Variants in MSR1 observed in about 807,000 individuals in gnomAD.
The protein encoded by MSR1 is macrophage scavenger receptor 1.
In MSR1, 53 loss-of-function variants were observed where a neutral mutation model predicts 47.2. That is an observed-to-expected ratio of 1.12 (90% CI 0.90 to 1.41). The LOEUF (loss-of-function observed/expected upper bound fraction) is 1.41, where lower values mean the gene tolerates loss of function less well. MSR1 is among the 40% of genes most tolerant of loss of function. The probability of loss-of-function intolerance (pLI) is 0.00; values close to 1 mark genes in which losing one functional copy is unlikely to be tolerated. For synonymous variants in MSR1, 239 were observed against 185.6 expected (o/e 1.29, Z -2.34); for missense variants, 786 against 546.9 (o/e 1.44, Z -4.36).
At chr8:16,143,139 G>GC (rs1489248380) in intron 8 of MSR1, among the ~76,000 whole-genome samples, 1 of 152,030 alleles carries the variant, frequency 6.6e-6, no homozygotes, top group East Asian at 1.9e-4. Flanking sequence ...TAAACGAAGA[G>GC]CCCCAGACAT....
chr8:16,175,258 A>T lies in MSR1; in HGVS notation c.146T>A (p.Phe49Tyr), dbSNP rs1274305398. 1 of 1,614,018 alleles carries T rather than the reference A, an allele frequency of 6.2e-7. No homozygotes were observed. The highest frequency in any genetic ancestry group is 8.5e-7 in the Non-Finnish European group (1 of 1,179,992). The change falls in exon 3 of 10, where the codon TTC (phenylalanine) becomes TAC (tyrosine). Residue 49 changes from phenylalanine (F) to tyrosine (Y), a missense_variant. Phe to Tyr is a conservative substitution (Grantham distance 22). Transcript: ENST00000262101. ...SPSLQEKLKS[F>Y]KAALIALYLL... ...GTAAAGGGCAATCAGTGCAGCTTTG[A>T]AGGACTTCAGTTTCTCTTGAAGGGA...
At chr8:16,149,070 C>T (rs1254958481) in intron 7 of MSR1, among the ~76,000 whole-genome samples, 1 of 152,042 alleles carries the variant, frequency 6.6e-6, no homozygotes, top group Non-Finnish European at 1.5e-5. Flanking sequence ...ACCTTTAGGG[C>T]AGTGAAACTA....
intron 3 of MSR1, among the ~76,000 whole-genome samples, chr8:16,169,195 G>C (rs1466286593): frequency 1.3e-5 from 2 of 152,100 alleles, no homozygotes; most frequent in African/African-American, 4.8e-5. Flanking sequence ...GATTATGAAA[G>C]GCTATGTGTC....
At chr8:16,148,747 A>G (rs1296697478) in intron 7 of MSR1, among the ~76,000 whole-genome samples, 1 of 152,176 alleles carries the variant, frequency 6.6e-6, no homozygotes, top group Non-Finnish European at 1.5e-5. Flanking sequence ...GGTGTGAGCC[A>G]CCACGCCCAG....
chr8:16,143,358 G>T (rs186220784), intron 8 of MSR1, among the ~76,000 whole-genome samples, 200 bp downstream of exon 8: 22 of 152,204 alleles, frequency 1.4e-4, no homozygotes, highest in Admixed American at 1.2e-3. Context: ...TGGATAATGA[G>T]ATTGAAAGAG....
chr8:16,179,105 T>C (rs1801747743), intron 1 of MSR1, among the ~76,000 whole-genome samples: 1 of 152,156 alleles, frequency 6.6e-6, no homozygotes, highest in African/African-American at 2.4e-5. Context: ...GTTTTTTGAG[T>C]GTGGAAAAAG....
At chr8:16,133,056 G>A (rs150880709) in intron 8 of MSR1, among the ~76,000 whole-genome samples, 7 of 151,924 alleles carry the variant, frequency 4.6e-5, no homozygotes, top group African/African-American at 1.7e-4. Flanking sequence ...AGTTTTATGA[G>A]GTGAATCACA....
intron 8 of MSR1, among the ~76,000 whole-genome samples, chr8:16,128,428 A>G (rs1484365350): frequency 1.3e-5 from 2 of 152,062 alleles, no homozygotes; most frequent in Admixed American, 6.5e-5. Flanking sequence ...TCACACAGAA[A>G]CTGCCTCATG....
At chr8:16,115,673 G>A (rs1483111089) in intron 9 of MSR1, among the ~76,000 whole-genome samples, 1 of 152,040 alleles carries the variant, frequency 6.6e-6, no homozygotes, top group Non-Finnish European at 1.5e-5. Context: ...TCTACGCAGG[G>A]AGTGGAAACA....
At chr8:16,136,449 T>A (rs907915689) in intron 8 of MSR1, among the ~76,000 whole-genome samples, 2 of 152,096 alleles carry the variant, frequency 1.3e-5, no homozygotes, top group Non-Finnish European at 2.9e-5. Context: ...AATATAACTA[T>A]TATATGCACT....
In MSR1 at chr8:16,139,764, AAAAAAAAAAAATATATATATATATAT is replaced by A. The variant is rs1330694822; in HGVS notation, c.1033+3768_1033+3793del. ...TCAAAACTTAAAAAAAAAAAAAAAA[AAAAAAAAAAAATATATATATATATAT>A]ATATATATATATATATATATATATA... is the stretch of plus-strand genomic sequence containing the variant. On this transcript the variant is annotated intron_variant, in intron 8 of 9. Transcript: ENST00000262101. 6.7e-5 allele frequency: 11 copies of A among 163,708 alleles called. No homozygotes were observed. In the African/African-American group the frequency reaches 8.3e-4, roughly 12 times the overall value. 10.1% of individuals were successfully genotyped at this position (163,708 alleles called of 1,614,324 possible).
intron 5 of MSR1, among the ~76,000 whole-genome samples, chr8:16,157,134 C>T (rs533855403): frequency 6.6e-5 from 10 of 152,038 alleles, no homozygotes; most frequent in African/African-American, 1.7e-4. Flanking sequence ...CAAAGCAAGA[C>T]GCAGACATTC....
intron 5 of MSR1, among the ~76,000 whole-genome samples, chr8:16,155,906 T>C (rs78125573): frequency 3.2e-4 from 48 of 152,022 alleles, no homozygotes; most frequent in African/African-American, 1.1e-3. Context: ...GTCTCATCAT[T>C]TTTTTTCAGG....
chr8:16,187,110 T>A (rs1333428676), intron 1 of MSR1, among the ~76,000 whole-genome samples: 1 of 151,652 alleles, frequency 6.6e-6, no homozygotes, highest in African/African-American at 2.4e-5. Context: ...CACCTGTAAT[T>A]CCTGCACTTT....
intron 8 of MSR1, among the ~76,000 whole-genome samples, chr8:16,128,386 C>T (rs967041875): frequency 6.6e-6 from 1 of 151,984 alleles, no homozygotes; most frequent in African/African-American, 2.4e-5. Flanking sequence ...GGTGCCCTAT[C>T]GGAAGAGATA....
intron 1 of MSR1, among the ~76,000 whole-genome samples, chr8:16,180,509 GAC>G (rs1271281766): frequency 6.6e-6 from 1 of 152,102 alleles, no homozygotes; most frequent in African/African-American, 2.4e-5. Flanking sequence ...TCTTTTGTTG[GAC>G]ACAGTTCCGT....
intron 1 of MSR1, among the ~76,000 whole-genome samples, chr8:16,188,982 A>G (rs1802083482): frequency 1.4e-5 from 2 of 145,948 alleles, no homozygotes; most frequent in Admixed American, 1.4e-4. Flanking sequence ...ATATATATAT[A>G]TATATATATA....
Position 16,189,005 on chromosome 8 carries a change from CAT to C in MSR1, c.-5+3591_-5+3592del, listed in dbSNP as rs201140658. Among the ~76,000 whole-genome samples, 253 of 139,058 alleles carry C rather than the reference CAT, an allele frequency of 1.8e-3. 4 individuals carry two copies. The highest frequency in any genetic ancestry group is 4.3e-3 in the African/African-American group (162 of 37,926). 91.2% of individuals were successfully genotyped at this position (139,058 alleles called of 152,430 possible). ...ATATATATATATATATATAAAACAACATATATATATGTGTTGAATTATTATGT... is the reference window on the plus strand; with the variant it reads ...ATATATATATATATATATAAAACAACATATATATGTGTTGAATTATTATGT... On this transcript the variant is annotated intron_variant, in intron 1 of 9. Coordinates refer to ENST00000262101, the MANE Select transcript of MSR1 (RefSeq NM_138715.3).
intron 9 of MSR1, among the ~76,000 whole-genome samples, chr8:16,115,440 T>C (rs11990499): frequency 0.81 from 122,748 of 152,066 alleles, 51,366 homozygotes; most frequent in South Asian, 0.96. Flanking sequence ...ATGTTTTAAA[T>C]AGCTTTCCAT....
Sources: gnomAD v4.1 joint callset for allele counts (sites outside exome capture counted in the v4.1 genomes callset) on GRCh38, gnomAD v4.1.1 for gene constraint, MANE v1.5 for transcripts, NCBI Gene and HGNC (gene_info 2026-07-23, HGNC 2026-07-21) for gene names.